The following PDIA3 variants were observed in gnomAD, a reference collection of about 807,000 sequenced individuals.
PDIA3 encodes the protein protein disulfide-isomerase A3.
In PDIA3, 16 loss-of-function variants were observed where a neutral mutation model predicts 56.9. The observed-to-expected ratio is 0.28, with a 90% confidence interval of 0.19 to 0.43. PDIA3 has a LOEUF of 0.43. Ranked by LOEUF, PDIA3 falls within the 20% of genes least tolerant of loss-of-function variation. The probability of loss-of-function intolerance (pLI) is 1.00; values close to 1 mark genes in which losing one functional copy is unlikely to be tolerated. For missense variants in PDIA3, 485 were observed against 621.3 expected (o/e 0.78, Z 2.33); for synonymous variants, 192 against 216.5 (o/e 0.89, Z 0.99).
intron 8 of PDIA3, among the ~76,000 whole-genome samples, chr15:43,767,931 A>G (rs1019228743): frequency 6.6e-6 from 1 of 152,144 alleles, no homozygotes; most frequent in Non-Finnish European, 1.5e-5. Context: ...CCTGGGCAAC[A>G]TAGCAAGACC....
chr15:43,770,857 T>C (rs1278331199), intron 12 of PDIA3, among the ~76,000 whole-genome samples: 1 of 152,058 alleles, frequency 6.6e-6, no homozygotes, highest in East Asian at 1.9e-4. Flanking sequence ...CCATGTTGGT[T>C]GGGCTGGTCT....
chr15:43,766,650 C>A, intron 7 of PDIA3, 78 bp from the exon 8 acceptor site: 1 of 1,136,480 alleles, frequency 8.8e-7, no homozygotes, highest in Non-Finnish European at 1.3e-6. Context: ...CTTTGCTTTC[C>A]AATCACTTGC....
In PDIA3 at chr15:43,754,122, G is replaced by A. The variant is rs150490577; in HGVS notation, c.246+220G>A. 4.4e-3 allele frequency among the ~76,000 whole-genome samples: 671 copies of A among 152,284 alleles called. 4 individuals carry two copies. Among genetic ancestry groups the A allele is most frequent in the African/African-American group, 0.015 (637 of 41,568 alleles). On this transcript the variant is annotated intron_variant, in intron 2 of 12. Coordinates refer to ENST00000300289, the MANE Select transcript of PDIA3 (RefSeq NM_005313.5). ...AAAAGATTAAAAGTAGTGGCTGGGCGCAATGGCTCATGCCTGTAATCCCAG... is the reference window on the plus strand; with the variant it reads ...AAAAGATTAAAAGTAGTGGCTGGGCACAATGGCTCATGCCTGTAATCCCAG...
At chr15:43,771,010 T>C in intron 12 of PDIA3, 95 bp from the exon 13 acceptor site, 1 of 763,210 alleles carries the variant, frequency 1.3e-6, no homozygotes. Context: ...TGGCTGCTAA[T>C]ATGCTTTTAC....
intron 10 of PDIA3, 93 bp downstream of exon 10, chr15:43,769,739 G>C: frequency 7.4e-7 from 1 of 1,356,676 alleles, no homozygotes; most frequent in East Asian, 2.3e-5. Flanking sequence ...TGGTTCCTAA[G>C]TACTGATAGA....
At chr15:43,748,204 A>G (rs938690478) in intron 1 of PDIA3, among the ~76,000 whole-genome samples, 2 of 152,292 alleles carry the variant, frequency 1.3e-5, no homozygotes, top group African/African-American at 2.4e-5. Flanking sequence ...GGGGCTGGGC[A>G]TGGTGGCTCC....
chr15:43,765,737 T>C, intron 6 of PDIA3, 150 bp from the exon 7 acceptor site: 2 of 889,250 alleles, frequency 2.2e-6, no homozygotes, highest in South Asian at 1.6e-5. Flanking sequence ...AGAACTCCTG[T>C]TGTCATCCTG....
intron 1 of PDIA3, among the ~76,000 whole-genome samples, chr15:43,750,054 G>A (rs914117066): frequency 2.3e-5 from 2 of 85,454 alleles, no homozygotes; most frequent in South Asian, 4.6e-4. Context: ...GAAAGTGAAA[G>A]GTGAAAGCTT....
chr15:43,767,117 A>T (rs1339811175), intron 8 of PDIA3, among the ~76,000 whole-genome samples: 1 of 152,172 alleles, frequency 6.6e-6, no homozygotes, highest in Non-Finnish European at 1.5e-5. Context: ...TGGGAGGCCA[A>T]GGCAGGTGGA....
At chr15:43,769,672 T>C (rs746513627) in intron 10 of PDIA3, 26 bp downstream of exon 10, 3 of 1,610,656 alleles carry the variant, frequency 1.9e-6, no homozygotes, top group Non-Finnish European at 2.5e-6. Context: ...ATTCTGAGGA[T>C]AACATTTGAG....
rs1015066822 is a variant in PDIA3, at chr15:43,746,472, C to T, written c.-68C>T. ...AGCGCAAGCAGCGGGTTAGTGGTCG[C>T]GCGCCCGACCTCCGCAGTCCCAGCC... On this transcript the variant is annotated 5_prime_UTR_variant, in exon 1 of 13. Transcript: ENST00000300289. 1.5e-5 allele frequency: 21 copies of T among 1,374,374 alleles called. No homozygotes were observed. Among genetic ancestry groups the T allele is most frequent in the Admixed American group, 1.1e-4 (4 of 37,060 alleles). The allele number at this position is 1,374,374 out of a possible 1,614,324, so 85.1% of individuals were successfully genotyped here. A position where few individuals can be genotyped will look rare whatever the true frequency, so the allele number is the denominator to read the frequency against.
chr15:43,760,011 C>T (rs1567157286), intron 3 of PDIA3, among the ~76,000 whole-genome samples: 3 of 152,130 alleles, frequency 2.0e-5, no homozygotes, highest in Non-Finnish European at 1.5e-5. Context: ...ATTGCTTGAA[C>T]CCAGGAGGCG....
At chr15:43,760,210 G>A (rs2086805376) in intron 3 of PDIA3, among the ~76,000 whole-genome samples, 1 of 152,054 alleles carries the variant, frequency 6.6e-6, no homozygotes, top group African/African-American at 2.4e-5. Context: ...GGGCAACATA[G>A]TGAGACCCCG....
chr15:43,769,540 A>G lies in PDIA3; in HGVS notation c.1160A>G (p.Asp387Gly), dbSNP rs972453402. 1 of 1,613,146 alleles carries G rather than the reference A, an allele frequency of 6.2e-7. No individual in the cohort carries two copies. The highest frequency in any genetic ancestry group is 8.5e-7 in the Non-Finnish European group (1 of 1,179,194). Residue 387 changes from aspartate (D) to glycine (G), a missense_variant, in exon 10 of 13, where the codon GAT (aspartate) becomes GGT (glycine). Transcript: ENST00000300289. ...CAGGTAGTGGTAGCAGAGAATTTTGATGAAATAGTGAATAATGAAAATAAA... is the reference window on the plus strand; with the variant it reads ...CAGGTAGTGGTAGCAGAGAATTTTGGTGAAATAGTGAATAATGAAAATAAA... ...PVKVVVAENF[D>G]EIVNNENKDV...
chr15:43,765,749 A>AACCTTAC, intron 6 of PDIA3, 138 bp from the exon 7 acceptor site: 1 of 933,008 alleles, frequency 1.1e-6, no homozygotes, highest in East Asian at 2.4e-5. Flanking sequence ...GTCATCCTGT[A>AACCTTAC]AGGTATATAT....
chr15:43,752,120 C>T (rs2086748424), intron 1 of PDIA3, among the ~76,000 whole-genome samples: 1 of 152,206 alleles, frequency 6.6e-6, no homozygotes, highest in African/African-American at 2.4e-5. Flanking sequence ...AGTACACGTG[C>T]ACGCACATTT....
chr15:43,751,733 C>T, intron 1 of PDIA3: 1 of 1,299,604 alleles, frequency 7.7e-7, no homozygotes, highest in South Asian at 1.2e-5. Context: ...CTGGTTGCTC[C>T]CCAGATTTCT....
At chr15:43,748,773 A>AT (rs66910403) in intron 1 of PDIA3, among the ~76,000 whole-genome samples, 23,888 of 143,244 alleles carry the variant, frequency 0.17, 2,541 homozygotes, top group African/African-American at 0.29. Context: ...GTGTTTGTGT[A>AT]TTTTTTTTTT....
chr15:43,746,861 C>T (rs1596016058), intron 1 of PDIA3, 155 bp downstream of exon 1: 1 of 845,676 alleles, frequency 1.2e-6, no homozygotes, highest in Non-Finnish European at 1.8e-6. Flanking sequence ...GCTGGAGGCG[C>T]CTCGCCGAGA....
Sources: gnomAD v4.1 joint callset for allele counts (sites outside exome capture counted in the v4.1 genomes callset) on GRCh38, gnomAD v4.1.1 for gene constraint, MANE v1.5 for transcripts, NCBI Gene and HGNC (gene_info 2026-07-23, HGNC 2026-07-21) for gene names.